AKAP12: variants seen among roughly 807,000 people sequenced by gnomAD.
AKAP12 encodes the protein A-kinase anchor protein 12.
Under a neutral mutation model 79.9 loss-of-function variants are expected in AKAP12, and 32 were observed. The observed-to-expected ratio is 0.40, with a 90% CI of 0.30 to 0.54. The LOEUF (loss-of-function observed/expected upper bound fraction) is 0.54. Ranked by LOEUF, AKAP12 falls within the 20% of genes least tolerant of loss-of-function variation. AKAP12 has a pLI of 0.48. For synonymous variants in AKAP12, 808 were observed against 857.0 expected, an observed-to-expected ratio of 0.94 and a Z score of 1.00; for missense variants, 2,074 against 2,177.0, an observed-to-expected ratio of 0.95 and a Z score of 0.94.
At position 151,240,574 on chromosome 6, in the gene AKAP12, G is replaced by A. The variant is rs1240086467; in HGVS notation, c.12G>A (p.Gly4=). 9 of 1,446,392 alleles carry A rather than the reference G, an allele frequency of 6.2e-6. No individual in the cohort carries two copies. Among genetic ancestry groups the A allele is most frequent in the South Asian group, 2.7e-5 (2 of 73,666 alleles). 89.6% of individuals were successfully genotyped at this position (1,446,392 alleles called of 1,614,324 possible). MGA[G]SSTEQRSPEQ... ...AGTGCGGAGGAGCCATGGGCGCCGG[G>A]AGCTCCACCGAGCAGCGCAGCCCGG... The change falls in exon 2 of 5, where the codon GGG becomes GGA. Residue 4 remains glycine, a synonymous_variant. Coordinates refer to ENST00000402676, the MANE Select transcript of AKAP12 (RefSeq NM_005100.4).
In AKAP12 at chr6:151,304,488, C is replaced by CAAAAAAAAAAAAAAAAAAAAAAAAAAAA. The variant is rs1157088954; in HGVS notation, c.163-1255_163-1228dup. Among the ~76,000 whole-genome samples, 25 of 46,002 alleles carry CAAAAAAAAAAAAAAAAAAAAAAAAAAAA rather than the reference C, an allele frequency of 5.4e-4. 3 individuals are homozygous for CAAAAAAAAAAAAAAAAAAAAAAAAAAAA. The highest frequency in any genetic ancestry group is 1.0e-3 in the Non-Finnish European group (21 of 20,410). 30.2% of individuals were successfully genotyped at this position (46,002 alleles called of 152,430 possible). A position where few individuals can be genotyped will look rare whatever the true frequency, so the allele number is the denominator to read the frequency against. ...TGGGTGAAACAGTGACACTCCATCT[C>CAAAAAAAAAAAAAAAAAAAAAAAAAAAA]AAAAAAAAAAAAAAAAAAAAAAAAA... On this transcript the variant is annotated intron_variant, in intron 2 of 4. Coordinates refer to ENST00000402676, the MANE Select transcript of AKAP12 (RefSeq NM_005100.4).
At chr6:151,332,789 G>A (rs1193288468) in intron 3 of AKAP12, among the ~76,000 whole-genome samples, 1 of 152,158 alleles carries the variant, frequency 6.6e-6, no homozygotes, top group Non-Finnish European at 1.5e-5. Flanking sequence ...GGGACACACC[G>A]ACCACTCCCT....
At chr6:151,324,419 CT>C (rs1354719596) in intron 3 of AKAP12, 2 of 985,432 alleles carry the variant, frequency 2.0e-6, no homozygotes, top group African/African-American at 3.5e-5. Flanking sequence ...ATCGCGCCCC[CT>C]GGTGCCCAAA....
intron 3 of AKAP12, chr6:151,319,549 TATATATATCTATATAGAG>T (rs924845336): frequency 6.7e-5 from 6 of 89,136 alleles, no homozygotes; most frequent in African/African-American, 3.4e-4. Flanking sequence ...TAGATATAGA[TATATATATCTATATAGAG>T]ATATATCTCC....
At chr6:151,293,229 G>A (rs982001151) in intron 2 of AKAP12, among the ~76,000 whole-genome samples, 4 of 152,322 alleles carry the variant, frequency 2.6e-5, no homozygotes, top group East Asian at 1.9e-4. Context: ...GCCACTTAAC[G>A]TGAGAGTAAT....
Position 151,240,377 on chromosome 6 carries a change from T to C in AKAP12, c.-179-7T>C. 1 of 523,812 alleles carries C rather than the reference T, an allele frequency of 1.9e-6. No individual in the cohort carries two copies. Among genetic ancestry groups the C allele is most frequent in the Non-Finnish European group, 3.0e-6 (1 of 333,194 alleles). 32.4% of individuals were successfully genotyped at this position (523,812 alleles called of 1,614,324 possible). A position where few individuals can be genotyped will look rare whatever the true frequency, so the allele number is the denominator to read the frequency against. On this transcript the variant is annotated splice_region_variant and splice_polypyrimidine_tract_variant and intron_variant, in intron 1 of 4. Transcript: ENST00000402676. ...TGGCCTTTTTTTTTTTTTCCTTTTC[T>C]TTTAAGGAGTTTGCCGCGAGCGCGT...
chr6:151,260,628 A>G (rs942548169), intron 2 of AKAP12, among the ~76,000 whole-genome samples: 4 of 152,232 alleles, frequency 2.6e-5, no homozygotes, highest in Admixed American at 6.5e-5. Flanking sequence ...GAGGTGGCTA[A>G]TGCCAGGCTG....
chr6:151,242,002 T>C (rs950668198), intron 2 of AKAP12, among the ~76,000 whole-genome samples: 4 of 152,128 alleles, frequency 2.6e-5, no homozygotes, highest in Non-Finnish European at 4.4e-5. Flanking sequence ...ACTAACTGTG[T>C]CTCTGTGCTA....
At chr6:151,251,639 A>G (rs1797176335) in intron 2 of AKAP12, among the ~76,000 whole-genome samples, 1 of 152,250 alleles carries the variant, frequency 6.6e-6, no homozygotes, top group Admixed American at 6.5e-5. Flanking sequence ...CAAAAAATTT[A>G]TACTAAGGGT....
At chr6:151,311,430 G>A (rs1407624413) in intron 3 of AKAP12, among the ~76,000 whole-genome samples, 1 of 152,220 alleles carries the variant, frequency 6.6e-6, no homozygotes, top group Non-Finnish European at 1.5e-5. Context: ...ACCAGGCCTT[G>A]TTACACTAAT....
chr6:151,287,324 A>G (rs530948446), intron 2 of AKAP12, among the ~76,000 whole-genome samples: 55 of 152,210 alleles, frequency 3.6e-4, no homozygotes, highest in African/African-American at 9.9e-4. Flanking sequence ...CAGTGGCACA[A>G]TCATGGCTCA....
chr6:151,280,982 A>G (rs1776394765), intron 2 of AKAP12, among the ~76,000 whole-genome samples: 1 of 152,146 alleles, frequency 6.6e-6, no homozygotes. Flanking sequence ...TTCTAAAGAT[A>G]TATACAGTTA....
chr6:151,285,384 C>CTGTGTGTGTGTGTGTG lies in AKAP12; in HGVS notation c.163-20343_163-20328dup, dbSNP rs10680283. ...GTACACATCAGAGAGCTGCATTTCA[C>CTGTGTGTGTGTGTGTG]TGTGTGTGTGTGTGTGTGTGTGTGT... On this transcript the variant is annotated intron_variant, in intron 2 of 4. Coordinates refer to ENST00000402676, the MANE Select transcript of AKAP12 (RefSeq NM_005100.4). 8.5e-3 allele frequency among the ~76,000 whole-genome samples: 1,164 copies of CTGTGTGTGTGTGTGTG among 136,524 alleles called. 8 individuals carry two copies. Among genetic ancestry groups the CTGTGTGTGTGTGTGTG allele is most frequent in the South Asian group, 0.012 (46 of 3,696 alleles). The allele number at this position is 136,524 out of a possible 152,430, so 89.6% of individuals were successfully genotyped here. A position where few individuals can be genotyped will look rare whatever the true frequency, so the allele number is the denominator to read the frequency against.
In AKAP12 at chr6:151,274,687, GA is replaced by G. The variant is rs369417804; in HGVS notation, c.163-31054del. Reference sequence around the variant, plus strand: ...CCATTATCACTTTTGTGTGTTCTTAGAAAAAAGGAGTGTTTGTGAGTTGGGG... The same window carrying G: ...CCATTATCACTTTTGTGTGTTCTTAGAAAAAGGAGTGTTTGTGAGTTGGGG... On this transcript the variant is annotated intron_variant, in intron 2 of 4. Coordinates refer to ENST00000402676, the MANE Select transcript of AKAP12 (RefSeq NM_005100.4). Among the ~76,000 whole-genome samples, 21 of 152,212 alleles carry G rather than the reference GA, an allele frequency of 1.4e-4. No individual in the cohort carries two copies. In the East Asian group the frequency reaches 2.5e-3, roughly 18 times the overall value.
intron 2 of AKAP12, among the ~76,000 whole-genome samples, chr6:151,271,325 C>CTTT (rs113260783): frequency 1.4e-5 from 2 of 140,966 alleles, no homozygotes; most frequent in Admixed American, 7.2e-5. Flanking sequence ...AACGAAGAAA[C>CTTT]TTTTTTTTTT....
intron 2 of AKAP12, among the ~76,000 whole-genome samples, chr6:151,273,687 A>G (rs1332565798): frequency 1.3e-5 from 2 of 152,204 alleles, no homozygotes; most frequent in South Asian, 2.1e-4. Flanking sequence ...TTTGGTAGAC[A>G]TATTTAATGG....
At position 151,349,051 on chromosome 6, in the gene AKAP12, T is replaced by C. The variant is rs749691017; in HGVS notation, c.660T>C (p.Leu220=). Residue 220 remains leucine, a synonymous_variant, in exon 4 of 5, where the codon CTT becomes CTC. Coordinates refer to ENST00000402676, the MANE Select transcript of AKAP12 (RefSeq NM_005100.4). ...AGAGDHKDPS[L]GAGEAASKES... ...CTGGCGACCACAAGGACCCCAGCCT[T>C]GGGGCTGGAGAAGCAGCATCCAAAG... 1.9e-6 allele frequency: 3 copies of C among 1,611,796 alleles called. No homozygotes were observed. The highest frequency in any genetic ancestry group is 1.7e-5 in the Admixed American group (1 of 59,582).
chr6:151,281,084 A>G (rs763159301), intron 2 of AKAP12, among the ~76,000 whole-genome samples: 1 of 152,080 alleles, frequency 6.6e-6, no homozygotes, highest in Non-Finnish European at 1.5e-5. Context: ...TCATCCTGTT[A>G]TTTCCTTAGG....
chr6:151,311,493 G>A (rs1777099584), intron 3 of AKAP12, among the ~76,000 whole-genome samples: 1 of 152,158 alleles, frequency 6.6e-6, no homozygotes, highest in Non-Finnish European at 1.5e-5. Context: ...CCGCCACTGT[G>A]ACACCAGCTG....
Sources: gnomAD v4.1 joint callset for allele counts (sites outside exome capture counted in the v4.1 genomes callset) on GRCh38, gnomAD v4.1.1 for gene constraint, MANE v1.5 for transcripts, NCBI Gene and HGNC (gene_info 2026-07-23, HGNC 2026-07-21) for gene names.